Variants in CERS4 observed in about 807,000 individuals in gnomAD.
CERS4 encodes the protein ceramide synthase 4.
CERS4 carries 65 observed loss-of-function variants against 51.8 expected under a neutral mutation model. The ratio of observed to expected loss-of-function variants is 1.26; its 90% confidence interval spans 1.03 to 1.54. The LOEUF is 1.54. CERS4 is among the 40% of genes most tolerant of loss of function. The probability of loss-of-function intolerance (pLI) is 0.00; values close to 1 mark genes in which losing one functional copy is unlikely to be tolerated. For missense variants in CERS4, 563 were observed against 500.4 expected (o/e 1.13, Z -1.19); for synonymous variants, 228 against 208.4 (o/e 1.09, Z -0.81).
At chr19:8,222,823 G>A (rs1039574488) in intron 2 of CERS4, among the ~76,000 whole-genome samples, 1 of 152,166 alleles carries the variant, frequency 6.6e-6, no homozygotes, top group African/African-American at 2.4e-5. Context: ...AAGGAGAGCA[G>A]TGAGTGCCTC....
intron 2 of CERS4, among the ~76,000 whole-genome samples, chr19:8,236,088 C>G (rs766201500): frequency 1.3e-5 from 2 of 152,000 alleles, no homozygotes; most frequent in African/African-American, 2.4e-5. Flanking sequence ...CCCAGCTACT[C>G]CGGGGGCTGA....
At chr19:8,230,292 T>G (rs1367923593) in intron 2 of CERS4, among the ~76,000 whole-genome samples, 2 of 152,020 alleles carry the variant, frequency 1.3e-5, no homozygotes, top group Admixed American at 6.6e-5. Flanking sequence ...CAGGTTCACA[T>G]GATTCTCCTG....
chr19:8,237,699 A>C (rs1359163539), intron 2 of CERS4, among the ~76,000 whole-genome samples: 1 of 151,980 alleles, frequency 6.6e-6, no homozygotes, highest in African/African-American at 2.4e-5. Context: ...AAATACAAAA[A>C]AATTAGCCGG....
At chr19:8,218,630 G>C (rs995541951) in intron 2 of CERS4, among the ~76,000 whole-genome samples, 1 of 152,136 alleles carries the variant, frequency 6.6e-6, no homozygotes, top group African/African-American at 2.4e-5. Context: ...CTTGAGATGG[G>C]GAAGGGACAG....
chr19:8,236,627 C>T (rs994046787), intron 2 of CERS4, among the ~76,000 whole-genome samples: 3 of 144,662 alleles, frequency 2.1e-5, no homozygotes, highest in African/African-American at 5.2e-5. Context: ...AGCAATGAGC[C>T]GTGATCTCGC....
chr19:8,256,497 G>A lies in CERS4; in HGVS notation c.520-121G>A. On this transcript the variant is annotated intron_variant, in intron 7 of 11. Coordinates refer to ENST00000251363, the MANE Select transcript of CERS4 (RefSeq NM_024552.3). ...GCCCTTGATTACCTCCAGGGATGGG[G>A]AGCTCACTCATTGGGATTCAAGTAT... 7.6e-6 allele frequency: 8 copies of A among 1,049,688 alleles called. No individual in the cohort carries two copies. In the South Asian group the frequency reaches 1.2e-4, roughly 16 times the overall value. The allele number at this position is 1,049,688 out of a possible 1,614,324, so 65.0% of individuals were successfully genotyped here.
At chr19:8,249,304 A>C (rs1968951949) in intron 2 of CERS4, among the ~76,000 whole-genome samples, 1 of 152,064 alleles carries the variant, frequency 6.6e-6, no homozygotes, top group Non-Finnish European at 1.5e-5. Context: ...TGGACAGACG[A>C]ATGAACGAAC....
chr19:8,224,769 G>T (rs1036804186), intron 2 of CERS4, among the ~76,000 whole-genome samples: 5 of 152,180 alleles, frequency 3.3e-5, no homozygotes, highest in African/African-American at 1.2e-4. Context: ...TGGAAATCGG[G>T]CAGAGGAGGG....
chr19:8,251,425 ATGGCTGGTTTATAGGAACACTGACTG>A (rs1288000420), intron 3 of CERS4, among the ~76,000 whole-genome samples, 176 bp downstream of exon 3: 8 of 152,156 alleles, frequency 5.3e-5, no homozygotes, highest in Non-Finnish European at 1.0e-4. Context: ...CTGGCCTCTG[ATGGCTGGTTTATAGGAACACTGACTG>A]CAGCTGGTTT....
chr19:8,240,332 A>G (rs1483280306), intron 2 of CERS4, among the ~76,000 whole-genome samples: 1 of 151,944 alleles, frequency 6.6e-6, no homozygotes, highest in Non-Finnish European at 1.5e-5. Context: ...GGGGAGTGGT[A>G]CCTCAACCGG....
rs188198527 is a variant in CERS4, at chr19:8,252,670, G to A, written c.173+1421G>A. Among the ~76,000 whole-genome samples the A allele has an allele frequency of 2.6e-3, 395 of 152,130 alleles. 3 individuals carry two copies. Among genetic ancestry groups the A allele is most frequent in the Admixed American group, 4.8e-3 (73 of 15,274 alleles). On this transcript the variant is annotated intron_variant, in intron 3 of 11. Coordinates refer to ENST00000251363, the MANE Select transcript of CERS4 (RefSeq NM_024552.3). ...GCCAGACTAGTCTCAAACTCCTGACGTCAGGTGATCCACCCACCTTGGCCT... is the reference window on the plus strand; with the variant it reads ...GCCAGACTAGTCTCAAACTCCTGACATCAGGTGATCCACCCACCTTGGCCT...
intron 10 of CERS4, chr19:8,261,381 A>G: frequency 2.7e-6 from 1 of 374,384 alleles, no homozygotes; most frequent in Non-Finnish European, 4.9e-6. Flanking sequence ...TGGGGGTCTG[A>G]GGAGTAGAGA....
At chr19:8,225,953 T>A (rs1967769796) in intron 2 of CERS4, among the ~76,000 whole-genome samples, 1 of 151,894 alleles carries the variant, frequency 6.6e-6, no homozygotes, top group African/African-American at 2.4e-5. Flanking sequence ...TCCAGCACTT[T>A]GGGAGGCCAA....
chr19:8,217,245 G>C (rs946395232), intron 2 of CERS4, among the ~76,000 whole-genome samples: 2 of 152,114 alleles, frequency 1.3e-5, no homozygotes, highest in Non-Finnish European at 2.9e-5. Context: ...AATTGGACTT[G>C]TTTACTGCCC....
Position 8,243,355 on chromosome 19 carries a change from C to T in CERS4, c.-1-7721C>T, listed in dbSNP as rs1968621110. On this transcript the variant is annotated intron_variant, in intron 2 of 11. Transcript: ENST00000251363. Reference sequence around the variant, plus strand: ...GCACACGGGATCAAGCCAACCTTGTCTGCTAGTGAAGATGATTTCTTTTTC... The same window carrying T: ...GCACACGGGATCAAGCCAACCTTGTTTGCTAGTGAAGATGATTTCTTTTTC... Among the ~76,000 whole-genome samples, 3 of 152,098 alleles carry T rather than the reference C, an allele frequency of 2.0e-5. No homozygotes were observed. The South Asian group carries it at 6.2e-4, about 32-fold the overall frequency.
rs761685576 is a variant in CERS4 at position 8,261,753 on chromosome 19, T to TC, written c.915dup (p.Asn306GlnfsTer24). 5 of 1,614,138 alleles carry TC rather than the reference T, an allele frequency of 3.1e-6. No individual in the cohort carries two copies. Among genetic ancestry groups the TC allele is most frequent in the Non-Finnish European group, 4.2e-6 (5 of 1,180,018 alleles). On this transcript the variant is annotated frameshift_variant, in exon 11 of 12. Transcript: ENST00000251363. LOFTEE classifies it high-confidence loss of function. ...GGCCCCTTCTTCGGCTACTACTTCTTCAACGGGCTTCTGATGTTGCTGCAG... is the reference window on the plus strand; with the variant it reads ...GGCCCCTTCTTCGGCTACTACTTCTTCCAACGGGCTTCTGATGTTGCTGCAG...
chr19:8,245,122 A>AAAAACAAAAAAAAACAAAAAAAAAAAC (rs1555777239), intron 2 of CERS4, among the ~76,000 whole-genome samples: 1 of 129,258 alleles, frequency 7.7e-6, no homozygotes, highest in Non-Finnish European at 1.6e-5. Context: ...AAAAAAAAAA[A>AAAAACAAAAAAAAACAAAAAAAAAAAC]AAAAAAAAAA....
At chr19:8,231,342 A>T (rs1967995029) in intron 2 of CERS4, among the ~76,000 whole-genome samples, 1 of 151,982 alleles carries the variant, frequency 6.6e-6, no homozygotes, top group African/African-American at 2.4e-5. Context: ...AAATTTAACT[A>T]TTTTTTTATC....
intron 3 of CERS4, among the ~76,000 whole-genome samples, chr19:8,251,673 G>A (rs185921150): frequency 7.9e-4 from 120 of 151,904 alleles, no homozygotes; most frequent in Non-Finnish European, 1.3e-3. Context: ...TTAGCTGGGC[G>A]CAAACCTGTA....
Sources: allele counts gnomAD v4.1 joint callset (sites outside exome capture counted in the v4.1 genomes callset), GRCh38; gene constraint gnomAD v4.1.1; transcripts MANE v1.5; gene names NCBI Gene and HGNC (gene_info 2026-07-23, HGNC 2026-07-21).